EYS: variants seen among roughly 807,000 people sequenced by gnomAD.
EYS encodes protein eyes shut homolog.
In EYS, 250 loss-of-function variants were observed where a neutral mutation model predicts 282.1. That is an observed-to-expected ratio of 0.89 (90% CI 0.80 to 0.98). The LOEUF (loss-of-function observed/expected upper bound fraction) is 0.98. Among genes scored for constraint, EYS ranks in the 50% least tolerant of loss-of-function variants. The pLI is 0.00. For missense variants in EYS, 4,016 were observed against 3,709.0 expected, an observed-to-expected ratio of 1.08 and a Z score of -2.15; for synonymous variants, 1,355 against 1,282.9, an observed-to-expected ratio of 1.06 and a Z score of -1.20.
At chr6:64,640,563 C>G (rs1768099252) in intron 22 of EYS, among the ~76,000 whole-genome samples, 1 of 143,020 alleles carries the variant, frequency 7.0e-6, no homozygotes, top group Non-Finnish European at 1.5e-5. Context: ...ACTCTGGGGA[C>G]TGTTGTGGGG....
chr6:64,068,296 CATATTT>C (rs964837267), intron 32 of EYS, among the ~76,000 whole-genome samples: 38 of 152,150 alleles, frequency 2.5e-4, no homozygotes, highest in Non-Finnish European at 4.9e-4. Context: ...GTTTCTTGCT[CATATTT>C]ATATTTAGTT....
intron 11 of EYS, among the ~76,000 whole-genome samples, chr6:65,317,821 CCTTCCTTTCTTTCTTTCTTTCTTTCTTT>C (rs1247032515): frequency 9.7e-4 from 50 of 51,534 alleles, no homozygotes; most frequent in South Asian, 6.0e-3. Flanking sequence ...TTCCTTCCTT[CCTTCCTTTCTTTCTTTCTTTCTTTCTTT>C]CTTTCTTTCT....
intron 5 of EYS, among the ~76,000 whole-genome samples, chr6:65,458,599 C>T (rs1046337568): frequency 6.6e-6 from 1 of 152,138 alleles, no homozygotes; most frequent in African/African-American, 2.4e-5. Context: ...AGTAATGTCA[C>T]TTATTTCTGT....
At chr6:64,322,233 G>T (rs1269160935) in intron 29 of EYS, among the ~76,000 whole-genome samples, 2 of 151,968 alleles carry the variant, frequency 1.3e-5, no homozygotes, top group African/African-American at 4.8e-5. Context: ...CAGAAAAGGT[G>T]TGCTTTAAAA....
At chr6:64,820,191 C>T in intron 21 of EYS, among the ~76,000 whole-genome samples, 1 of 151,858 alleles carries the variant, frequency 6.6e-6, no homozygotes, top group East Asian at 1.9e-4. Context: ...CTAAGATATA[C>T]TTCTAAGACA....
intron 35 of EYS, among the ~76,000 whole-genome samples, chr6:63,941,064 T>C (rs1458699303): frequency 2.0e-5 from 3 of 152,214 alleles, no homozygotes; most frequent in African/African-American, 7.2e-5. Context: ...GAGCCACATT[T>C]TCTTAATCCA....
At chr6:63,845,177 A>T (rs962973524) in intron 36 of EYS, among the ~76,000 whole-genome samples, 4 of 152,208 alleles carry the variant, frequency 2.6e-5, no homozygotes, top group African/African-American at 9.6e-5. Flanking sequence ...TCCCTATTGT[A>T]AACCTAAAGG....
intron 7 of EYS, among the ~76,000 whole-genome samples, chr6:65,391,868 T>C (rs1766049990): frequency 6.6e-6 from 1 of 152,080 alleles, no homozygotes; most frequent in Non-Finnish European, 1.5e-5. Flanking sequence ...GCCAAGTCAA[T>C]CCTAAGCCAA....
At chr6:64,018,768 T>C (rs913409955) in intron 33 of EYS, among the ~76,000 whole-genome samples, 2 of 113,698 alleles carry the variant, frequency 1.8e-5, no homozygotes, top group Non-Finnish European at 3.6e-5. Flanking sequence ...TGTTTTTTTT[T>C]TTTTTTTTTT....
intron 19 of EYS, among the ~76,000 whole-genome samples, chr6:64,852,725 T>C (rs937799586): frequency 6.6e-6 from 1 of 152,098 alleles, no homozygotes; most frequent in Non-Finnish European, 1.5e-5. Context: ...AGAAATGGCA[T>C]GTGCACATGG....
intron 7 of EYS, among the ~76,000 whole-genome samples, chr6:65,389,483 T>C (rs1429792502): frequency 2.6e-5 from 4 of 152,130 alleles, no homozygotes; most frequent in Admixed American, 2.6e-4. Flanking sequence ...TTCCATTCAC[T>C]ATTTGACATG....
At chr6:65,456,906 A>G (rs953122887) in intron 5 of EYS, among the ~76,000 whole-genome samples, 4 of 152,168 alleles carry the variant, frequency 2.6e-5, no homozygotes, top group African/African-American at 9.7e-5. Context: ...TTATATAGAG[A>G]AATTCAAGTG....
intron 35 of EYS, among the ~76,000 whole-genome samples, chr6:63,875,944 TGAG>T (rs1051137962): frequency 2.0e-5 from 3 of 152,234 alleles, no homozygotes; most frequent in Admixed American, 6.5e-5. Context: ...GTTGATTTTT[TGAG>T]GAGTTTTTTG....
intron 22 of EYS, among the ~76,000 whole-genome samples, chr6:64,700,063 C>A (rs1165785991): frequency 6.6e-6 from 1 of 151,754 alleles, no homozygotes; most frequent in Non-Finnish European, 1.5e-5. Flanking sequence ...TTCCAGGGAA[C>A]CAAGGATGGG....
chr6:63,916,032 A>G (rs1455272154), intron 35 of EYS, among the ~76,000 whole-genome samples: 1 of 152,238 alleles, frequency 6.6e-6, no homozygotes, highest in Non-Finnish European at 1.5e-5. Context: ...AAGTTCTGCT[A>G]TGGGTAAAAT....
At chr6:65,265,419 C>T (rs1273449662) in intron 12 of EYS, among the ~76,000 whole-genome samples, 3 of 151,926 alleles carry the variant, frequency 2.0e-5, no homozygotes, top group African/African-American at 4.8e-5. Context: ...GTTTGCTATT[C>T]TGTGACTTTT....
chr6:65,586,416 T>C (rs1765049706), intron 2 of EYS, among the ~76,000 whole-genome samples: 1 of 152,112 alleles, frequency 6.6e-6, no homozygotes, highest in Non-Finnish European at 1.5e-5. Context: ...ACTATTGAGA[T>C]GCTGGAGATT....
chr6:64,404,437 G>A (rs1374323345), intron 28 of EYS, among the ~76,000 whole-genome samples: 1 of 151,948 alleles, frequency 6.6e-6, no homozygotes, highest in Non-Finnish European at 1.5e-5. Context: ...GAGCTTTTAA[G>A]AGGAAATAGG....
intron 30 of EYS, among the ~76,000 whole-genome samples, chr6:64,231,724 T>G (rs929090085): frequency 1.3e-5 from 2 of 152,118 alleles, no homozygotes; most frequent in Non-Finnish European, 2.9e-5. Context: ...TCTTTCTCCC[T>G]CCACACAAAA....
Sources: gnomAD v4.1 joint callset for allele counts (sites outside exome capture counted in the v4.1 genomes callset) on GRCh38, gnomAD v4.1.1 for gene constraint, MANE v1.5 for transcripts, NCBI Gene and HGNC (gene_info 2026-07-23, HGNC 2026-07-21) for gene names.